ELP1: variants seen among roughly 807,000 people sequenced by gnomAD.
ELP1 encodes elongator acetyltransferase complex subunit 1.
ELP1 carries 131 observed loss-of-function variants against 183.2 expected under a neutral mutation model. The observed-to-expected ratio is 0.72, with a 90% CI of 0.62 to 0.83. The LOEUF is 0.83. Ranked by LOEUF, ELP1 falls within the 40% of genes least tolerant of loss-of-function variation. The pLI, the probability that ELP1 is intolerant of heterozygous loss-of-function variation, is 0.00. For synonymous variants in ELP1, 555 were observed against 569.0 expected, an observed-to-expected ratio of 0.98 and a Z score of 0.35; for missense variants, 1,550 against 1,594.9, an observed-to-expected ratio of 0.97 and a Z score of 0.48.
In ELP1 at chr9:108,926,539, C is replaced by A. The variant is rs1020292203; in HGVS notation, c.450G>T (p.Gln150His). 2 of 1,612,776 alleles carry A rather than the reference C, an allele frequency of 1.2e-6. No homozygotes were observed. The highest frequency in any genetic ancestry group is 1.7e-5 in the Admixed American group (1 of 59,982). ...FEPILEQQIH[Q>H]DDFGESKFIT... ...TATACTTACTTTCACCAAAATCATC[C>A]TGATGGATCTGCTGCTCCAGGATTG... Residue 150 changes from glutamine (Q) to histidine (H), a missense_variant, in exon 5 of 37, where the codon CAG becomes CAT. By Grantham distance (24) the Gln-to-His change is conservative. Transcript: ENST00000374647.
intron 31 of ELP1, 126 bp from the exon 32 acceptor site, chr9:108,880,291 C>A: frequency 2.9e-6 from 2 of 700,360 alleles, no homozygotes; most frequent in Non-Finnish European, 2.6e-6. Context: ...GTTTTCCAAG[C>A]GAGCTCTTTT....
chr9:108,927,532 AT>A, intron 3 of ELP1, 79 bp from the exon 4 acceptor site: 1 of 1,140,160 alleles, frequency 8.8e-7, no homozygotes. Flanking sequence ...AATCAAAACA[AT>A]TAAAAAAACA....
rs750330348 is a variant in ELP1 at position 108,889,348 on chromosome 9, A to G, written c.3206T>C (p.Leu1069Ser). Residue 1069 changes from leucine to serine, a missense_variant, in exon 29 of 37, where the codon TTG (leucine) becomes TCG (serine). Coordinates refer to ENST00000374647, the MANE Select transcript of ELP1 (RefSeq NM_003640.5). ...TGAGTTTACCTGGGCACACTCTTCC[A>G]AAACCATGGCCGCATCAATGTGCTT... ...QRKHIDAAMV[L>S]EECAQDYEEA... is the part of the protein sequence containing the mutation. 5 of 1,614,166 alleles carry G rather than the reference A, an allele frequency of 3.1e-6. No individual in the cohort carries two copies. The highest frequency in any genetic ancestry group is 4.2e-6 in the Non-Finnish European group (5 of 1,179,980).
chr9:108,898,609 G>A (rs374034967), intron 21 of ELP1, 28 bp from the exon 22 acceptor site: 284 of 1,599,860 alleles, frequency 1.8e-4, no homozygotes, highest in Non-Finnish European at 1.1e-4. Flanking sequence ...AAACATCTTC[G>A]TTCAGATCAT....
chr9:108,882,211 C>T (rs1827956723), intron 29 of ELP1, 24 bp from the exon 30 acceptor site: 1 of 1,606,996 alleles, frequency 6.2e-7, no homozygotes, highest in African/African-American at 1.3e-5. Context: ...AGGAAGAAGA[C>T]AACAAGTGAA....
chr9:108,913,806 C>T (rs187092526), intron 10 of ELP1, among the ~76,000 whole-genome samples: 39 of 152,218 alleles, frequency 2.6e-4, no homozygotes, highest in African/African-American at 8.4e-4. Context: ...ACCACCACGC[C>T]GGACTAATTT....
At chr9:108,896,461 G>A in intron 25 of ELP1, 35 bp downstream of exon 25, 1 of 1,608,224 alleles carries the variant, frequency 6.2e-7, no homozygotes, top group South Asian at 1.1e-5. Flanking sequence ...ATATAAACAA[G>A]AACCAAATGG....
intron 20 of ELP1, among the ~76,000 whole-genome samples, chr9:108,899,079 T>G (rs1304841377): frequency 6.6e-6 from 1 of 151,872 alleles, no homozygotes; most frequent in Non-Finnish European, 1.5e-5. Flanking sequence ...GGCAGAACAC[T>G]TGAGGTCAGG....
chr9:108,903,222 C>T (rs1828878301), intron 15 of ELP1, among the ~76,000 whole-genome samples: 1 of 151,912 alleles, frequency 6.6e-6, no homozygotes, highest in Non-Finnish European at 1.5e-5. Context: ...TGCTATCCCT[C>T]CACCCTCCCC....
chr9:108,890,072 A>T (rs1284825335), intron 28 of ELP1, among the ~76,000 whole-genome samples: 1 of 152,212 alleles, frequency 6.6e-6, no homozygotes, highest in African/African-American at 2.4e-5. Flanking sequence ...ATACTCCCTC[A>T]TAAGACATGG....
intron 35 of ELP1, among the ~76,000 whole-genome samples, chr9:108,877,339 T>C (rs1587870139): frequency 6.6e-6 from 1 of 152,252 alleles, no homozygotes; most frequent in Admixed American, 6.5e-5. Context: ...CAAATCCATA[T>C]ATTAAATTCT....
chr9:108,898,476 A>G, intron 22 of ELP1, 26 bp downstream of exon 22: 1 of 1,320,776 alleles, frequency 7.6e-7, no homozygotes, highest in South Asian at 1.2e-5. Flanking sequence ...TGGAAAAGAT[A>G]CACATGAATT....
intron 36 of ELP1, 74 bp downstream of exon 36, chr9:108,874,821 T>C: frequency 2.0e-6 from 2 of 1,019,560 alleles, no homozygotes; most frequent in Non-Finnish European, 1.6e-6. Context: ...CTTATACTGC[T>C]GATCTTCTCA....
Position 108,879,540 on chromosome 9 carries a change from C to T in ELP1, c.3478G>A (p.Gly1160Arg), listed in dbSNP as rs1032686725. 16 of 1,613,576 alleles carry T rather than the reference C, an allele frequency of 9.9e-6. No individual in the cohort carries two copies. The highest frequency in any genetic ancestry group is 1.6e-4 in the Middle Eastern group (1 of 6,084). ...QAGLDDEVPH[G>R]QESDLFSETS... Reference sequence around the variant, plus strand: ...TCAGAGAAGAGGTCTGACTCTTGCCCGTGGGGTACCTCATCATCTAGAAAA... The same window carrying T: ...TCAGAGAAGAGGTCTGACTCTTGCCTGTGGGGTACCTCATCATCTAGAAAA... Residue 1160 changes from glycine to arginine, a missense_variant, in exon 33 of 37, where the codon GGG (glycine) becomes AGG (arginine). Gly to Arg is a moderately radical substitution (Grantham distance 125). Transcript: ENST00000374647.
At position 108,912,339 on chromosome 9, in the gene ELP1, C is replaced by G. The variant is rs755055316; in HGVS notation, c.1114G>C (p.Asp372His). 1.3e-5 allele frequency: 21 copies of G among 1,614,176 alleles called. No individual in the cohort carries two copies. Among genetic ancestry groups the G allele is most frequent in the Non-Finnish European group, 1.7e-5 (20 of 1,180,048 alleles). The change falls in exon 11 of 37, where the codon GAT becomes CAT. Residue 372 changes from aspartate to histidine, a missense_variant. Asp to His is a moderately conservative substitution (Grantham distance 81, BLOSUM62 -1). Coordinates refer to ENST00000374647, the MANE Select transcript of ELP1 (RefSeq NM_003640.5). Reference sequence around the variant, plus strand: ...CTCCGGTCAGTCGTCCAGTGCCAATCATAGGCGAGGTAATGCCAGCCCTGA... The same window carrying G: ...CTCCGGTCAGTCGTCCAGTGCCAATGATAGGCGAGGTAATGCCAGCCCTGA... ...LCQGWHYLAY[D>H]WHWTTDRSVG...
chr9:108,904,619 A>T (rs1415440135), intron 14 of ELP1, among the ~76,000 whole-genome samples: 2 of 152,226 alleles, frequency 1.3e-5, no homozygotes, highest in African/African-American at 4.8e-5. Context: ...CTCTGGAGCT[A>T]GACTCGCTGG....
At chr9:108,873,779 G>A (rs1009962444) in intron 36 of ELP1, among the ~76,000 whole-genome samples, 5 of 152,178 alleles carry the variant, frequency 3.3e-5, no homozygotes, top group Non-Finnish European at 7.3e-5. Context: ...CCAGCACTTT[G>A]GGAGGCCGAG....
intron 33 of ELP1, 141 bp downstream of exon 33, chr9:108,879,305 G>T: frequency 1.4e-6 from 1 of 716,950 alleles, no homozygotes; most frequent in Admixed American, 2.0e-5. Flanking sequence ...CTGGGAAAGT[G>T]TCTGAACAAC....
At position 108,897,043 on chromosome 9, in the gene ELP1, G is replaced by A; in HGVS notation, c.2502-5C>T. The stretch of plus-strand genomic sequence containing the variant: ...GTAAGTATGGATAGGCAGTATCTGA[G>A]GTAATAAGTGAAGAACACCAGAATG... On this transcript the variant is annotated splice_region_variant and splice_polypyrimidine_tract_variant and intron_variant, in intron 23 of 36. Coordinates refer to ENST00000374647, the MANE Select transcript of ELP1 (RefSeq NM_003640.5). 6.2e-7 allele frequency: 1 copy of A among 1,613,604 alleles called. No homozygotes were observed. Among genetic ancestry groups the A allele is most frequent in the Non-Finnish European group, 8.5e-7 (1 of 1,179,576 alleles).
Sources: gnomAD v4.1 joint callset for allele counts (sites outside exome capture counted in the v4.1 genomes callset) on GRCh38, gnomAD v4.1.1 for gene constraint, MANE v1.5 for transcripts, NCBI Gene and HGNC (gene_info 2026-07-23, HGNC 2026-07-21) for gene names.